DAB1: variants seen among roughly 807,000 people sequenced by gnomAD.
DAB1 encodes disabled homolog 1.
A neutral mutation model predicts 64.6 loss-of-function variants in DAB1; 15 were observed. The ratio of observed to expected loss-of-function variants is 0.23; its 90% CI spans 0.16 to 0.36. DAB1 has a LOEUF of 0.36. DAB1 is among the 10% of genes least tolerant of loss of function. DAB1 has a pLI of 1.00. For synonymous variants in DAB1, 235 were observed against 251.9 expected, an observed-to-expected ratio of 0.93 and a Z score of 0.64; for missense variants, 596 against 706.7, an observed-to-expected ratio of 0.84 and a Z score of 1.78.
chr1:58,210,589 A>C (rs549513782), intron 4 of DAB1, among the ~76,000 whole-genome samples: 1 of 152,348 alleles, frequency 6.6e-6, no homozygotes, highest in South Asian at 2.1e-4. Context: ...GCCAGGATGA[A>C]GATGAGCAAC....
rs530902904 is a variant in DAB1, at chr1:57,880,641, G to A, written n.87+3358C>T. ...ATGTCTATACCTCAGTTATCGAATC[G>A]AAAAACAAGAGTCATCAGTCTCTAA... is the stretch of plus-strand genomic sequence containing the variant. On this transcript the variant is annotated intron_variant and non_coding_transcript_variant, in intron 1 of 1. Transcript: ENST00000477280. 7 of 152,130 alleles carry A rather than the reference G, an allele frequency of 4.6e-5. No individual in the cohort carries two copies. In the East Asian group the frequency reaches 7.7e-4, roughly 17 times the overall value. 9.4% of individuals were successfully genotyped at this position (152,130 alleles called of 1,614,324 possible). A position where few individuals can be genotyped will look rare whatever the true frequency, so the allele number is the denominator to read the frequency against.
At chr1:57,140,680 A>T (rs1161424366) in intron 3 of DAB1, among the ~76,000 whole-genome samples, 2 of 152,190 alleles carry the variant, frequency 1.3e-5, no homozygotes, top group Non-Finnish European at 2.9e-5. Flanking sequence ...CTATGCATCT[A>T]CTGCACTTCG....
intron 5 of DAB1, among the ~76,000 whole-genome samples, chr1:58,040,996 C>T (rs1451475596): frequency 1.3e-5 from 2 of 152,278 alleles, no homozygotes; most frequent in East Asian, 3.9e-4. Flanking sequence ...ATGCATCACC[C>T]CCTGGATACA....
intron 1 of DAB1, among the ~76,000 whole-genome samples, chr1:57,312,612 C>T (rs1471004921): frequency 1.3e-5 from 2 of 152,100 alleles, no homozygotes; most frequent in Non-Finnish European, 2.9e-5. Flanking sequence ...CTAATGCATC[C>T]AGGATCTGAT....
chr1:57,709,841 G>C (rs1331741156), intron 6 of DAB1, among the ~76,000 whole-genome samples: 2 of 152,044 alleles, frequency 1.3e-5, no homozygotes, highest in Non-Finnish European at 2.9e-5. Context: ...TTGTACAGGT[G>C]GTGACAAAAG....
At chr1:58,298,639 G>A (rs1569617134) in intron 4 of DAB1, among the ~76,000 whole-genome samples, 1 of 152,226 alleles carries the variant, frequency 6.6e-6, no homozygotes, top group Non-Finnish European at 1.5e-5. Flanking sequence ...ACACATGCTG[G>A]AGATGATAAG....
At chr1:58,163,531 T>C (rs529240487) in intron 4 of DAB1, among the ~76,000 whole-genome samples, 1 of 152,290 alleles carries the variant, frequency 6.6e-6, no homozygotes, top group East Asian at 1.9e-4. Context: ...GAAACATTTA[T>C]GTTTGAAAAT....
chr1:58,379,857 ATCT>A (rs918602513), intron 3 of DAB1, among the ~76,000 whole-genome samples: 1 of 152,162 alleles, frequency 6.6e-6, no homozygotes, highest in Non-Finnish European at 1.5e-5. Context: ...TTTTCTCCCC[ATCT>A]TCTTTTTTAT....
intron 2 of DAB1, among the ~76,000 whole-genome samples, chr1:57,163,944 T>C (rs1557844082): frequency 6.6e-6 from 1 of 152,134 alleles, no homozygotes; most frequent in Admixed American, 6.5e-5. Flanking sequence ...GTATGCAGGA[T>C]TCAGAGCAGA....
chr1:57,346,266 G>T (rs1227944231), intron 1 of DAB1, among the ~76,000 whole-genome samples: 1 of 152,210 alleles, frequency 6.6e-6, no homozygotes, highest in Non-Finnish European at 1.5e-5. Flanking sequence ...CTACATGGTA[G>T]TTAATATTTC....
At chr1:58,261,709 T>C (rs1340001818) in intron 4 of DAB1, among the ~76,000 whole-genome samples, 1 of 137,558 alleles carries the variant, frequency 7.3e-6, no homozygotes. Flanking sequence ...TCAATTTGTT[T>C]TTTTGTTTTT....
chr1:57,171,438 C>A (rs992797047), intron 2 of DAB1, among the ~76,000 whole-genome samples: 3 of 152,176 alleles, frequency 2.0e-5, no homozygotes, highest in African/African-American at 7.2e-5. Context: ...TCTTTCCCTG[C>A]TAGAGGAGAA....
intron 1 of DAB1, among the ~76,000 whole-genome samples, chr1:57,301,061 C>A (rs1472122372): frequency 6.6e-6 from 1 of 151,746 alleles, no homozygotes; most frequent in Non-Finnish European, 1.5e-5. Context: ...CTTCCATTTT[C>A]TTTTCCAAAG....
At chr1:58,194,884 G>T (rs1657588575) in intron 4 of DAB1, among the ~76,000 whole-genome samples, 2 of 152,200 alleles carry the variant, frequency 1.3e-5, no homozygotes, top group Non-Finnish European at 2.9e-5. Context: ...TCCAGGCACA[G>T]CCTGGAATAC....
At position 57,602,115 on chromosome 1, in the gene DAB1, T is replaced by C. The variant is rs149012518; in HGVS notation, n.625+47477A>G. On this transcript the variant is annotated intron_variant and non_coding_transcript_variant, in intron 7 of 20. Coordinates refer to the DAB1 transcript ENST00000485760. ...GCATAAAAAAATAGGGTAAATAGTA[T>C]TGTTTCTACTTTTGATTGCTGTATA... Among the ~76,000 whole-genome samples the C allele has an allele frequency of 7.2e-3, 1,093 of 152,300 alleles. 11 individuals carry two copies. Among genetic ancestry groups the C allele is most frequent in the African/African-American group, 0.025 (1,050 of 41,570 alleles).
At chr1:57,993,717 G>C (rs1646382313) in intron 5 of DAB1, among the ~76,000 whole-genome samples, 1 of 152,126 alleles carries the variant, frequency 6.6e-6, no homozygotes, top group South Asian at 2.1e-4. Flanking sequence ...TAGTGAAATA[G>C]ATGCAAATGT....
At chr1:57,751,719 C>A (rs945800677) in intron 6 of DAB1, among the ~76,000 whole-genome samples, 17 of 152,132 alleles carry the variant, frequency 1.1e-4, no homozygotes, top group African/African-American at 4.1e-4. Context: ...TTATCGGGGG[C>A]AGTTAGATCC....
chr1:57,159,946 C>T lies in DAB1; in HGVS notation c.68-14517G>A, dbSNP rs907759751. ...ATCAGTTGCTGAGTCTTTCTGACGT[C>T]CTCCCATGAAGGCTTGAGGAGCGTA... On this transcript the variant is annotated intron_variant, in intron 2 of 14. Coordinates refer to ENST00000371236, the MANE Select transcript of DAB1 (RefSeq NM_001365792.1). 7.1e-4 allele frequency among the ~76,000 whole-genome samples: 107 copies of T among 151,266 alleles called. 1 individual carries two copies. Among genetic ancestry groups the T allele is most frequent in the African/African-American group, 2.5e-3 (102 of 41,100 alleles).
intron 6 of DAB1, among the ~76,000 whole-genome samples, chr1:57,703,181 T>A (rs535621505): frequency 2.4e-4 from 36 of 152,236 alleles, no homozygotes; most frequent in African/African-American, 7.9e-4. Context: ...AAGTGAAAAT[T>A]GATAAATGGG....
Sources: allele counts gnomAD v4.1 joint callset (sites outside exome capture counted in the v4.1 genomes callset), GRCh38; gene constraint gnomAD v4.1.1; transcripts MANE v1.5; gene names NCBI Gene and HGNC (gene_info 2026-07-23, HGNC 2026-07-21).